The following ADA variants were observed in gnomAD, a reference collection of about 807,000 sequenced individuals.
ADA encodes adenosine aminohydrolase.
In ADA, 45 loss-of-function variants were observed where a neutral mutation model predicts 49.0. That is an observed-to-expected ratio of 0.92 (90% CI 0.72 to 1.18). The LOEUF (loss-of-function observed/expected upper bound fraction) is 1.18, where lower values mean the gene tolerates loss of function less well. Among genes scored for constraint, ADA ranks in the 50% most tolerant of loss-of-function variants. ADA has a pLI of 0.00. For synonymous variants in ADA, 173 were observed against 184.2 expected (o/e 0.94, Z 0.49); for missense variants, 445 against 472.5 (o/e 0.94, Z 0.54).
intron 3 of ADA, 137 bp downstream of exon 3, chr20:44,628,910 C>T (rs536967712): frequency 5.1e-6 from 7 of 1,377,458 alleles, no homozygotes; most frequent in African/African-American, 1.4e-5. Context: ...GAGAGACTCA[C>T]TAAGTGTACA....
In ADA at chr20:44,624,216, C is replaced by T. The variant is rs2065360369; in HGVS notation, c.592G>A (p.Val198Ile). The T allele has an allele frequency of 6.2e-7, 1 of 1,612,724 alleles. No individual in the cohort carries two copies. The highest frequency in any genetic ancestry group is 1.3e-5 in the African/African-American group (1 of 74,890). ...ACAGGACCCACCTGGTAGGCCTGGA[C>T]ATGTCCAGGCAAGAGGCTGCTTCCT... The part of the protein sequence containing the change: ...IPGSSLLPGH[V>I]QAYQEAVKSG... Residue 198 changes from valine (V) to isoleucine (I), a missense_variant, in exon 6 of 12, where the codon GTC becomes ATC. Transcript: ENST00000372874.
chr20:44,635,213 A>C (rs2065469290), intron 2 of ADA, among the ~76,000 whole-genome samples: 1 of 152,180 alleles, frequency 6.6e-6, no homozygotes, highest in African/African-American at 2.4e-5. Context: ...TCGCTGGGGA[A>C]CAGGGGGACC....
chr20:44,651,681 G>T lies in ADA; in HGVS notation c.-74C>A, dbSNP rs1260938055. On this transcript the variant is annotated 5_prime_UTR_variant, in exon 1 of 12. Transcript: ENST00000372874. ...GTCTCTGCCGGCTCGGTGGCCGCTC[G>T]GCTTTCCCTGGGGCCAGCGGTGGCC... 4 of 1,436,412 alleles carry T rather than the reference G, an allele frequency of 2.8e-6. No individual in the cohort carries two copies. In the African/African-American group the frequency reaches 6.0e-5, roughly 22 times the overall value. 89.0% of individuals were successfully genotyped at this position (1,436,412 alleles called of 1,614,324 possible). A position where few individuals can be genotyped will look rare whatever the true frequency, so the allele number is the denominator to read the frequency against.
intron 1 of ADA, among the ~76,000 whole-genome samples, chr20:44,638,295 G>C (rs1253611788): frequency 6.6e-6 from 1 of 152,222 alleles, no homozygotes; most frequent in Non-Finnish European, 1.5e-5. Context: ...GTCAATGAAG[G>C]CTGGGCATGG....
intron 1 of ADA, among the ~76,000 whole-genome samples, chr20:44,647,114 C>A (rs6094010): frequency 1.3e-5 from 2 of 152,100 alleles, no homozygotes; most frequent in Admixed American, 1.3e-4. Flanking sequence ...CAATTCCCCT[C>A]TGCATCAGAG....
chr20:44,629,190 G>A, intron 2 of ADA, 21 bp from the exon 3 acceptor site: 1 of 1,614,110 alleles, frequency 6.2e-7, no homozygotes, highest in Non-Finnish European at 8.5e-7. Context: ...AACAGTGAGT[G>A]GTGGACCAAC....
At chr20:44,641,429 T>G (rs2065533172) in intron 1 of ADA, among the ~76,000 whole-genome samples, 1 of 152,124 alleles carries the variant, frequency 6.6e-6, no homozygotes, top group South Asian at 2.1e-4. Context: ...TCTTTCACAA[T>G]TTTGCCCCTA....
chr20:44,644,049 G>A (rs1034813053), intron 1 of ADA, among the ~76,000 whole-genome samples: 8 of 151,434 alleles, frequency 5.3e-5, no homozygotes, highest in Non-Finnish European at 8.8e-5. Context: ...ATGTTTCCAC[G>A]TTCCCAACTG....
chr20:44,638,103 G>A (rs937838317), intron 1 of ADA, among the ~76,000 whole-genome samples: 4 of 152,090 alleles, frequency 2.6e-5, no homozygotes, highest in Non-Finnish European at 2.9e-5. Flanking sequence ...CTGGAATCTC[G>A]GCTCCTCCAC....
intron 10 of ADA, 138 bp from the exon 11 acceptor site, chr20:44,620,539 C>T (rs932417385): frequency 2.6e-5 from 20 of 765,020 alleles, no homozygotes; most frequent in Admixed American, 1.4e-4. Context: ...CACTGTCACA[C>T]GGCAGCAAGT....
rs1053070418 is a variant in ADA, at chr20:44,646,936, T to G, written c.33+4639A>C. On this transcript the variant is annotated intron_variant, in intron 1 of 11. Transcript: ENST00000372874. ...TGACTTTGGCAAGTTCCCTCCCCTC[T>G]CTGAGTCTCAGTTTCCTCATAATAA... 2.6e-5 allele frequency among the ~76,000 whole-genome samples: 4 copies of G among 152,052 alleles called. No individual in the cohort carries two copies. The East Asian group carries it at 7.7e-4, about 29-fold the overall frequency.
chr20:44,622,713 A>G, intron 8 of ADA, 61 bp from the exon 9 acceptor site: 1 of 1,612,274 alleles, frequency 6.2e-7, no homozygotes, highest in South Asian at 1.1e-5. Flanking sequence ...TCCTCCCCCC[A>G]TGTCTGGGCC....
intron 5 of ADA, 142 bp from the exon 6 acceptor site, chr20:44,624,471 G>T: frequency 8.7e-7 from 1 of 1,153,872 alleles, no homozygotes; most frequent in East Asian, 2.4e-5. Context: ...TAACTGCTAT[G>T]TCCTAACCAC....
At chr20:44,643,929 G>T (rs2065562539) in intron 1 of ADA, among the ~76,000 whole-genome samples, 1 of 151,994 alleles carries the variant, frequency 6.6e-6, no homozygotes, top group Non-Finnish European at 1.5e-5. Context: ...TGCCAGAGAG[G>T]TCCAGGGCGG....
chr20:44,647,123 A>G (rs6094011), intron 1 of ADA, among the ~76,000 whole-genome samples: 4,153 of 152,156 alleles, frequency 0.027, 222 homozygotes, highest in African/African-American at 0.089. Context: ...TCTGCATCAG[A>G]GAGGGACAGT....
rs1194494050 is a variant in ADA, at chr20:44,620,435, C to T, written c.976-34G>A. 1.3e-6 allele frequency: 2 copies of T among 1,575,084 alleles called. No homozygotes were observed. Among genetic ancestry groups the T allele is most frequent in the Admixed American group, 1.7e-5 (1 of 59,958 alleles). ...GCCAGAATGGCAGACAACATGGAAC[C>T]AGAGAACAAAGAAGGCAGCTCTTAG... is the stretch of plus-strand genomic sequence containing the variant. On this transcript the variant is annotated intron_variant, in intron 10 of 11. Coordinates refer to ENST00000372874, the MANE Select transcript of ADA (RefSeq NM_000022.4).
At chr20:44,641,214 A>C (rs1478769798) in intron 1 of ADA, among the ~76,000 whole-genome samples, 1 of 152,154 alleles carries the variant, frequency 6.6e-6, no homozygotes, top group East Asian at 1.9e-4. Flanking sequence ...CCAGTTCCCA[A>C]GGCCTCAACC....
chr20:44,624,996 C>CT, intron 5 of ADA, among the ~76,000 whole-genome samples: 1 of 152,290 alleles, frequency 6.6e-6, no homozygotes, highest in South Asian at 2.1e-4. Flanking sequence ...GCAGGTAGCT[C>CT]TTTGGTTCTT....
At chr20:44,645,357 C>CA (rs11480982) in intron 1 of ADA, among the ~76,000 whole-genome samples, 1,014 of 57,994 alleles carry the variant, frequency 0.017, 29 homozygotes, top group African/African-American at 0.036. Context: ...GACTCCAGCT[C>CA]AAAAAAAAAA....
Sources: gnomAD v4.1 joint callset for allele counts (sites outside exome capture counted in the v4.1 genomes callset) on GRCh38, gnomAD v4.1.1 for gene constraint, MANE v1.5 for transcripts, NCBI Gene and HGNC (gene_info 2026-07-23, HGNC 2026-07-21) for gene names.